The following SNX8 variants were observed in gnomAD, a reference collection of about 807,000 sequenced individuals.
SNX8 encodes the protein sorting nexin 8.
A neutral mutation model predicts 51.6 loss-of-function variants in SNX8; 25 were observed. That is an observed-to-expected ratio of 0.48 (90% CI 0.35 to 0.68). The LOEUF (loss-of-function observed/expected upper bound fraction) is 0.68, where lower values mean the gene tolerates loss of function less well. Among genes scored for constraint, SNX8 ranks in the 30% least tolerant of loss-of-function variants. The probability of loss-of-function intolerance (pLI) is 0.00; values close to 1 mark genes in which losing one functional copy is unlikely to be tolerated. For synonymous variants in SNX8, 324 were observed against 277.0 expected, an observed-to-expected ratio of 1.17 and a Z score of -1.68; for missense variants, 695 against 624.0, an observed-to-expected ratio of 1.11 and a Z score of -1.21.
rs568485144 is a variant in SNX8 at position 2,328,457 on chromosome 7, G to T, written c.-66+25765C>A. On this transcript the variant is annotated intron_variant, in intron 1 of 5. Coordinates refer to the SNX8 transcript ENST00000435336. ...TCCTCCTGCCTTGGCCTCCCAAAGTGTTGGGATCACAGGCATGAGCCATCA... is the reference window on the plus strand; with the variant it reads ...TCCTCCTGCCTTGGCCTCCCAAAGTTTTGGGATCACAGGCATGAGCCATCA... Among the ~76,000 whole-genome samples, 23 of 152,268 alleles carry T rather than the reference G, an allele frequency of 1.5e-4. No individual in the cohort carries two copies. The South Asian group carries it at 4.6e-3, about 30-fold the overall frequency.
intron 3 of SNX8, among the ~76,000 whole-genome samples, chr7:2,273,235 G>T (rs1795689935): frequency 6.6e-6 from 1 of 151,668 alleles, no homozygotes; most frequent in Non-Finnish European, 1.5e-5. Context: ...GATCACTTGA[G>T]GCCAAGGAGT....
rs148471011 is a variant in SNX8 at position 2,347,494 on chromosome 7, A to G, written c.-66+6728T>C. On this transcript the variant is annotated intron_variant, in intron 1 of 5. Transcript: ENST00000435336. ...AGATGCTGTCTCAAAAAAAAAAAAA[A>G]AAAAAGAAAAAAAAAAGAGCCTTTG... 2.4e-3 allele frequency among the ~76,000 whole-genome samples: 282 copies of G among 116,434 alleles called. 4 individuals carry two copies. The East Asian group carries it at 0.041, about 17-fold the overall frequency. The allele number at this position is 116,434 out of a possible 152,430, so 76.4% of individuals were successfully genotyped here. A position where few individuals can be genotyped will look rare whatever the true frequency, so the allele number is the denominator to read the frequency against.
At chr7:2,337,736 AG>A (rs1241404970) in intron 1 of SNX8, among the ~76,000 whole-genome samples, 1 of 151,902 alleles carries the variant, frequency 6.6e-6, no homozygotes, top group Non-Finnish European at 1.5e-5. Context: ...TGTTAGTTAA[AG>A]AATCACAGAG....
chr7:2,336,579 G>A (rs757128807), intron 1 of SNX8, among the ~76,000 whole-genome samples: 8 of 150,390 alleles, frequency 5.3e-5, no homozygotes, highest in Non-Finnish European at 1.0e-4. Context: ...ATGGTGGTGC[G>A]CACCTGTAAA....
At chr7:2,270,220 C>T (rs1584682640) in intron 4 of SNX8, among the ~76,000 whole-genome samples, 1 of 134,974 alleles carries the variant, frequency 7.4e-6, no homozygotes, top group Non-Finnish European at 1.5e-5. Context: ...CCAGGAGATA[C>T]AAGGGGAAAC....
intron 1 of SNX8, among the ~76,000 whole-genome samples, chr7:2,335,757 C>T (rs1428219502): frequency 7.6e-5 from 11 of 144,342 alleles, no homozygotes; most frequent in African/African-American, 2.3e-4. Flanking sequence ...GAGCCGAGAC[C>T]GCGGCACTGC....
intron 7 of SNX8, among the ~76,000 whole-genome samples, chr7:2,261,987 T>G (rs1048891854): frequency 4.6e-5 from 7 of 152,220 alleles, no homozygotes; most frequent in Non-Finnish European, 8.8e-5. Flanking sequence ...TGGAGGCCAC[T>G]TTCCCAAGAA....
At chr7:2,342,428 CGGAT>C (rs1778948883) in intron 1 of SNX8, among the ~76,000 whole-genome samples, 1 of 151,896 alleles carries the variant, frequency 6.6e-6, no homozygotes, top group African/African-American at 2.4e-5. Flanking sequence ...CTGAGGAGGG[CGGAT>C]CACTTGAGGT....
rs1796236437 is a variant in SNX8 at position 2,294,870 on chromosome 7, C to CA, written c.95-16566dup. Among the ~76,000 whole-genome samples the CA allele has an allele frequency of 5.3e-5, 8 of 151,450 alleles. No homozygotes were observed. In the South Asian group the frequency reaches 1.7e-3, roughly 32 times the overall value. The stretch of plus-strand genomic sequence containing the variant: ...GGAACATGGCAATACCCCATCTCTA[C>CA]AAAAAAATAAAAAGTCAGGCATGGT... On this transcript the variant is annotated intron_variant, in intron 1 of 10. Transcript: ENST00000222990.
At position 2,346,332 on chromosome 7, in the gene SNX8, GC is replaced by G. The variant is rs1356854857; in HGVS notation, c.-66+7889del. Among the ~76,000 whole-genome samples the G allele has an allele frequency of 7.8e-3, 1,185 of 152,066 alleles. 14 individuals are homozygous for G. The highest frequency in any genetic ancestry group is 0.027 in the African/African-American group (1,124 of 41,482). On this transcript the variant is annotated intron_variant, in intron 1 of 5. Transcript: ENST00000435336. ...ATGGTGGTGCATGCCTGTAGCCCCA[GC>G]TACTGGGGAGGCCGAAACAGGAGGG... is the stretch of plus-strand genomic sequence containing the variant.
chr7:2,314,601 C>A (rs1796725117), upstream of SNX8: 2 of 443,672 alleles, frequency 4.5e-6, no homozygotes, highest in Non-Finnish European at 6.2e-6. Flanking sequence ...GCCTACAACC[C>A]GCCTAGCCAC....
intron 1 of SNX8, among the ~76,000 whole-genome samples, chr7:2,303,011 G>A (rs559397120): frequency 2.6e-5 from 4 of 151,748 alleles, no homozygotes; most frequent in East Asian, 2.0e-4. Context: ...GGACAGAGGT[G>A]GGGGTCAGCC....
intron 1 of SNX8, chr7:2,299,545 C>G (rs769251614): frequency 2.6e-5 from 4 of 152,112 alleles, no homozygotes; most frequent in African/African-American, 9.7e-5. Context: ...CGATTTGTTC[C>G]GGAGTTAAAA....
chr7:2,268,411 G>T (rs1435122461), intron 5 of SNX8, among the ~76,000 whole-genome samples: 38 of 133,810 alleles, frequency 2.8e-4, no homozygotes, highest in African/African-American at 4.1e-4. Flanking sequence ...GAAGTGAGGA[G>T]CGTCTCCGCC....
intron 1 of SNX8, among the ~76,000 whole-genome samples, chr7:2,301,041 T>C (rs1796379166): frequency 6.6e-6 from 1 of 152,210 alleles, no homozygotes; most frequent in South Asian, 2.1e-4. Flanking sequence ...ATTTACATGC[T>C]CTTTCATTAC....
chr7:2,341,239 C>A (rs1322053810), intron 1 of SNX8, among the ~76,000 whole-genome samples: 2 of 151,874 alleles, frequency 1.3e-5, no homozygotes, highest in Non-Finnish European at 2.9e-5. Flanking sequence ...AATTGATCAG[C>A]CAGGTGCAGT....
At chr7:2,269,678 A>G in intron 4 of SNX8, 39 bp from the exon 5 acceptor site, 1 of 1,439,026 alleles carries the variant, frequency 6.9e-7, no homozygotes, top group Middle Eastern at 1.8e-4. Context: ...CTCTTCTACT[A>G]GCAGCAAGAA....
intron 1 of SNX8, among the ~76,000 whole-genome samples, chr7:2,285,968 C>A (rs1796017908): frequency 6.6e-6 from 1 of 152,052 alleles, no homozygotes; most frequent in Non-Finnish European, 1.5e-5. Context: ...CAGGCGTGAG[C>A]CATAGCACCC....
chr7:2,269,595 G>A lies in SNX8; in HGVS notation c.585C>T (p.Asp195=), dbSNP rs370734268. ...KLKESAQCVG[D]EFLNCKLATR... ...TAGCCAGCTTACAGTTCAGGAATTC[G>A]TCCCCGACGCACTGTGCTGACTCCT... Residue 195 remains aspartate, a synonymous_variant, in exon 5 of 11, where the codon GAC becomes GAT. Transcript: ENST00000222990. 25 of 1,592,712 alleles carry A rather than the reference G, an allele frequency of 1.6e-5. No individual in the cohort carries two copies. Among genetic ancestry groups the A allele is most frequent in the East Asian group, 2.3e-5 (1 of 43,884 alleles).
Sources: gnomAD v4.1 joint callset for allele counts (sites outside exome capture counted in the v4.1 genomes callset) on GRCh38, gnomAD v4.1.1 for gene constraint, MANE v1.5 for transcripts, NCBI Gene and HGNC (gene_info 2026-07-23, HGNC 2026-07-21) for gene names.